The following GSTCD variants were observed in gnomAD, a reference collection of about 807,000 sequenced individuals.
The protein encoded by GSTCD is glutathione S-transferase C-terminal domain-containing protein.
In GSTCD, 44 loss-of-function variants were observed where a neutral mutation model predicts 68.3. The observed-to-expected ratio is 0.64, with a 90% CI of 0.51 to 0.83. The LOEUF (loss-of-function observed/expected upper bound fraction) is 0.83. GSTCD is among the 40% of genes least tolerant of loss of function. The probability of loss-of-function intolerance (pLI) is 0.00; values close to 1 mark genes in which losing one functional copy is unlikely to be tolerated. For synonymous variants in GSTCD, 273 were observed against 255.2 expected, an observed-to-expected ratio of 1.07 and a Z score of -0.67; for missense variants, 739 against 735.9, an observed-to-expected ratio of 1.00 and a Z score of -0.05.
At chr4:105,729,626 AT>A in intron 5 of GSTCD, 127 bp downstream of exon 5, 4 of 464,252 alleles carry the variant, frequency 8.6e-6, no homozygotes, top group Non-Finnish European at 1.5e-5. Context: ...TTGAGTTTTC[AT>A]TTTATTTTTC....
At chr4:105,726,327 CAGAA>C (rs1193902336) in intron 3 of GSTCD, among the ~76,000 whole-genome samples, 1 of 152,090 alleles carries the variant, frequency 6.6e-6, no homozygotes, top group Non-Finnish European at 1.5e-5. Context: ...ATTGTAAACA[CAGAA>C]AGCCGATCAG....
chr4:105,790,868 C>T (rs1024552134), intron 5 of GSTCD, among the ~76,000 whole-genome samples: 1 of 151,792 alleles, frequency 6.6e-6, no homozygotes, highest in Non-Finnish European at 1.5e-5. Flanking sequence ...CAGTTGTTAG[C>T]TAAAAAGGAA....
At chr4:105,762,748 A>C (rs1385759108) in intron 5 of GSTCD, among the ~76,000 whole-genome samples, 1 of 152,188 alleles carries the variant, frequency 6.6e-6, no homozygotes, top group Non-Finnish European at 1.5e-5. Context: ...CTTTCAGATA[A>C]GGTAGTTTGA....
intron 5 of GSTCD, among the ~76,000 whole-genome samples, chr4:105,764,668 C>A (rs72671896): frequency 0.054 from 8,166 of 152,234 alleles, 251 homozygotes; most frequent in Middle Eastern, 0.14. Flanking sequence ...ATTAAGGCCC[C>A]ACACTTATGA....
intron 3 of GSTCD, among the ~76,000 whole-genome samples, chr4:105,726,029 T>C (rs756692961): frequency 6.6e-6 from 1 of 151,914 alleles, no homozygotes; most frequent in Non-Finnish European, 1.5e-5. Flanking sequence ...AATTTGACTC[T>C]TGGATTTTCA....
intron 8 of GSTCD, among the ~76,000 whole-genome samples, chr4:105,826,824 C>T (rs1210831995): frequency 6.6e-6 from 1 of 152,126 alleles, no homozygotes; most frequent in Non-Finnish European, 1.5e-5. Context: ...TTTCTAATTA[C>T]ATATGTTCAT....
chr4:105,822,676 T>G (rs1723363131), intron 5 of GSTCD, among the ~76,000 whole-genome samples: 1 of 152,136 alleles, frequency 6.6e-6, no homozygotes, highest in Non-Finnish European at 1.5e-5. Flanking sequence ...AAAAGACATA[T>G]TGTTCCCCAT....
At chr4:105,755,056 C>CAAAAAAAAAAA (rs70941214) in intron 5 of GSTCD, among the ~76,000 whole-genome samples, 2 of 50,986 alleles carry the variant, frequency 3.9e-5, no homozygotes, top group Non-Finnish European at 6.9e-5. Context: ...CTCATTTCTC[C>CAAAAAAAAAAA]AAAAAAAAAA....
At chr4:105,742,118 T>C (rs946954426) in intron 5 of GSTCD, among the ~76,000 whole-genome samples, 2 of 152,174 alleles carry the variant, frequency 1.3e-5, no homozygotes, top group African/African-American at 4.8e-5. Context: ...TACATCAAGA[T>C]TTTGGTGCAT....
Position 105,757,855 on chromosome 4 carries a change from T to G in GSTCD, c.1240+28356T>G, listed in dbSNP as rs1230856727. On this transcript the variant is annotated intron_variant, in intron 5 of 11. Coordinates refer to ENST00000515279, the MANE Select transcript of GSTCD (RefSeq NM_001370181.1). ...AAGGTTATAGTCAAAAAAAGACTAT[T>G]TCAATATAAATGAACCATTTCCTCC... 2.6e-5 allele frequency among the ~76,000 whole-genome samples: 4 copies of G among 152,318 alleles called. 1 individual carries two copies. The highest frequency in any genetic ancestry group is 4.1e-4 in the South Asian group (2 of 4,826).
chr4:105,731,373 T>C (rs1217159702), intron 5 of GSTCD, among the ~76,000 whole-genome samples: 1 of 152,246 alleles, frequency 6.6e-6, no homozygotes, highest in Non-Finnish European at 1.5e-5. Flanking sequence ...GCATGGAATG[T>C]TCTTCCATTT....
chr4:105,778,045 G>A (rs1261046022), intron 5 of GSTCD, among the ~76,000 whole-genome samples: 2 of 152,078 alleles, frequency 1.3e-5, no homozygotes, highest in African/African-American at 4.8e-5. Context: ...GTTGGATTAA[G>A]GAAGACTTGA....
chr4:105,792,213 T>TTGAAACTGTGAACTGTC (rs1735703665), intron 5 of GSTCD, among the ~76,000 whole-genome samples: 1 of 152,080 alleles, frequency 6.6e-6, no homozygotes, highest in Non-Finnish European at 1.5e-5. Flanking sequence ...TGATCTACTG[T>TTGAAACTGTGAACTGTC]TGAAACTGTG....
Position 105,755,056 on chromosome 4 carries a change from CAAAAAAAAAAAAAAAAAAA to C in GSTCD, c.1240+25582_1240+25600del, listed in dbSNP as rs70941214. On this transcript the variant is annotated intron_variant, in intron 5 of 11. Transcript: ENST00000515279. ...GCAACATAGTGAGACCTCATTTCTC[CAAAAAAAAAAAAAAAAAAA>C]AAAAAAAAAAAAAAAAAAAAAAAAT... Among the ~76,000 whole-genome samples the C allele has an allele frequency of 7.8e-5, 4 of 51,008 alleles. No individual in the cohort carries two copies. The South Asian group carries it at 4.0e-3, about 51-fold the overall frequency. 33.5% of individuals were successfully genotyped at this position (51,008 alleles called of 152,430 possible). A position where few individuals can be genotyped will look rare whatever the true frequency, so the allele number is the denominator to read the frequency against.
chr4:105,798,166 T>C lies in GSTCD; in HGVS notation c.1241-24788T>C, dbSNP rs566196410. ...TTTTTGCTCATCCATAGGAAGCCAC[T>C]CCTCATCTGTACAGGTTTATCATGA... On this transcript the variant is annotated intron_variant, in intron 5 of 11. Coordinates refer to ENST00000515279, the MANE Select transcript of GSTCD (RefSeq NM_001370181.1). 2.6e-5 allele frequency among the ~76,000 whole-genome samples: 4 copies of C among 152,206 alleles called. No homozygotes were observed. In the East Asian group the frequency reaches 7.7e-4, roughly 29 times the overall value.
At chr4:105,801,804 C>G (rs1560836608) in intron 5 of GSTCD, among the ~76,000 whole-genome samples, 1 of 151,834 alleles carries the variant, frequency 6.6e-6, no homozygotes, top group Non-Finnish European at 1.5e-5. Flanking sequence ...TACATAAAAT[C>G]CACTGTTATT....
intron 5 of GSTCD, among the ~76,000 whole-genome samples, chr4:105,765,211 T>C (rs1388498645): frequency 2.0e-5 from 3 of 152,214 alleles, no homozygotes; most frequent in African/African-American, 7.2e-5. Flanking sequence ...ATAATAGTCA[T>C]GACCCACTAA....
chr4:105,837,279 G>A (rs1304114809), intron 9 of GSTCD, among the ~76,000 whole-genome samples: 1 of 151,992 alleles, frequency 6.6e-6, no homozygotes, highest in Non-Finnish European at 1.5e-5. Flanking sequence ...TTACTTCCAG[G>A]CCACTATCCC....
intron 9 of GSTCD, 99 bp downstream of exon 9, chr4:105,834,693 A>T (rs1724040760): frequency 2.0e-6 from 2 of 1,020,238 alleles, no homozygotes; most frequent in South Asian, 3.7e-5. Flanking sequence ...TTTTTGGCTC[A>T]TTTCTTCTTT....
Sources: allele counts gnomAD v4.1 joint callset (sites outside exome capture counted in the v4.1 genomes callset), GRCh38; gene constraint gnomAD v4.1.1; transcripts MANE v1.5; gene names NCBI Gene and HGNC (gene_info 2026-07-23, HGNC 2026-07-21).